Variants in NTM observed in about 807,000 individuals in gnomAD.
The protein encoded by NTM is neurotrimin.
A neutral mutation model predicts 42.1 loss-of-function variants in NTM; 13 were observed. The observed-to-expected ratio is 0.31, with a 90% CI of 0.20 to 0.49. NTM has a LOEUF of 0.49. Ranked by LOEUF, NTM falls within the 20% of genes least tolerant of loss-of-function variation. The pLI is 0.99. For synonymous variants in NTM, 187 were observed against 179.2 expected (o/e 1.04, Z -0.35); for missense variants, 373 against 452.8 (o/e 0.82, Z 1.60).
chr11:131,604,120 A>T (rs2060717351), intron 1 of NTM, among the ~76,000 whole-genome samples: 1 of 152,192 alleles, frequency 6.6e-6, no homozygotes, highest in South Asian at 2.1e-4. Context: ...CAAAATGTGG[A>T]CACACCATTT....
intron 2 of NTM, among the ~76,000 whole-genome samples, chr11:132,115,076 C>G (rs1215801585): frequency 6.6e-6 from 1 of 152,172 alleles, no homozygotes; most frequent in African/African-American, 2.4e-5. Context: ...TGCATGATCT[C>G]ACTTATATGT....
At chr11:131,886,312 C>G (rs551627001) in intron 1 of NTM, among the ~76,000 whole-genome samples, 1 of 152,332 alleles carries the variant, frequency 6.6e-6, no homozygotes, top group Admixed American at 6.5e-5. Flanking sequence ...ATGGAAGGGC[C>G]TTGGACCTCC....
intron 2 of NTM, among the ~76,000 whole-genome samples, chr11:132,134,482 A>G: frequency 6.6e-6 from 1 of 151,026 alleles, no homozygotes; most frequent in East Asian, 2.0e-4. Context: ...GCCACCCCTG[A>G]CCTTTTTCCC....
chr11:131,942,594 C>A (rs1017014387), intron 2 of NTM, among the ~76,000 whole-genome samples: 2 of 152,078 alleles, frequency 1.3e-5, no homozygotes, highest in Admixed American at 1.3e-4. Context: ...TATGAAAAGT[C>A]TGTGGATCCA....
intron 7 of NTM, among the ~76,000 whole-genome samples, chr11:132,324,024 T>C (rs1206634991): frequency 1.5e-5 from 2 of 136,612 alleles, no homozygotes; most frequent in South Asian, 2.6e-4. Context: ...TGGGACATAT[T>C]TCAAAATAAT....
intron 4 of NTM, among the ~76,000 whole-genome samples, chr11:132,267,877 T>C (rs551788887): frequency 7.9e-5 from 12 of 151,800 alleles, no homozygotes; most frequent in East Asian, 3.9e-4. Context: ...AGAAACCTCA[T>C]TGAAAAATCA....
intron 4 of NTM, among the ~76,000 whole-genome samples, chr11:132,245,404 G>A (rs2090963678): frequency 6.6e-6 from 1 of 152,180 alleles, no homozygotes; most frequent in Non-Finnish European, 1.5e-5. Flanking sequence ...GGACAGAGGT[G>A]AGGAGGGAGG....
chr11:131,789,631 GAAGAAAA>G (rs2090454424), intron 1 of NTM, among the ~76,000 whole-genome samples: 1 of 84,636 alleles, frequency 1.2e-5, no homozygotes, highest in Non-Finnish European at 2.4e-5. Context: ...AGAAGAAGAA[GAAGAAAA>G]GAAGAAGAAG....
At chr11:131,429,636 A>G (rs1948486334) in intron 1 of NTM, among the ~76,000 whole-genome samples, 1 of 152,234 alleles carries the variant, frequency 6.6e-6, no homozygotes, top group Non-Finnish European at 1.5e-5. Flanking sequence ...ACTTAAATTG[A>G]CAACTCTGGT....
At chr11:132,060,903 T>C (rs1051936319) in intron 2 of NTM, among the ~76,000 whole-genome samples, 2 of 152,232 alleles carry the variant, frequency 1.3e-5, no homozygotes, top group African/African-American at 4.8e-5. Context: ...TGAATGTTTG[T>C]GTTAGAGCAT....
At chr11:132,145,446 T>G (rs1355381343) in intron 2 of NTM, among the ~76,000 whole-genome samples, 1 of 152,074 alleles carries the variant, frequency 6.6e-6, no homozygotes, top group African/African-American at 2.4e-5. Context: ...CTTGCTGTAG[T>G]AAGAGAGGGA....
chr11:131,656,973 C>T (rs1052964913), intron 1 of NTM, among the ~76,000 whole-genome samples: 2 of 152,024 alleles, frequency 1.3e-5, no homozygotes, highest in African/African-American at 2.4e-5. Context: ...GCTCAGCTCT[C>T]GGAGGCTGAG....
At chr11:131,763,709 C>CTCTTTTTTTTTTTTTTTTTTTTTTT (rs2084620795) in intron 1 of NTM, among the ~76,000 whole-genome samples, 1 of 71,362 alleles carries the variant, frequency 1.4e-5, no homozygotes, top group African/African-American at 5.6e-5. Flanking sequence ...ATCTCTCTCT[C>CTCTTTTTTTTTTTTTTTTTTTTTTT]TTTTTTTTTT....
At chr11:132,029,929 A>C (rs2075703187) in intron 2 of NTM, among the ~76,000 whole-genome samples, 1 of 152,236 alleles carries the variant, frequency 6.6e-6, no homozygotes. Context: ...GCAGTGTTCC[A>C]CATGAATGAA....
At chr11:131,459,301 A>G (rs1233522466) in intron 1 of NTM, among the ~76,000 whole-genome samples, 1 of 152,230 alleles carries the variant, frequency 6.6e-6, no homozygotes, top group Non-Finnish European at 1.5e-5. Context: ...CCAGGTTCAG[A>G]AAGGGCTTGG....
intron 4 of NTM, among the ~76,000 whole-genome samples, chr11:132,265,894 G>A (rs2093155811): frequency 6.6e-6 from 1 of 152,182 alleles, no homozygotes. Flanking sequence ...ACATCCGCAG[G>A]TGGCAGAGAT....
intron 1 of NTM, among the ~76,000 whole-genome samples, chr11:131,873,055 A>G (rs1014985936): frequency 2.6e-5 from 4 of 152,200 alleles, no homozygotes; most frequent in African/African-American, 7.2e-5. Flanking sequence ...TGTGAGACAC[A>G]TGCACATGTA....
At chr11:132,171,815 A>G (rs1469106049) in intron 3 of NTM, among the ~76,000 whole-genome samples, 1 of 152,226 alleles carries the variant, frequency 6.6e-6, no homozygotes, top group African/African-American at 2.4e-5. Context: ...ATGCAGGAAA[A>G]ACAGATGAGC....
intron 1 of NTM, among the ~76,000 whole-genome samples, chr11:131,894,424 C>A (rs940642176): frequency 6.6e-6 from 1 of 152,192 alleles, no homozygotes; most frequent in Non-Finnish European, 1.5e-5. Flanking sequence ...TTTATGAGCT[C>A]TGCAAAACTG....
Sources: allele counts gnomAD v4.1 joint callset (sites outside exome capture counted in the v4.1 genomes callset), GRCh38; gene constraint gnomAD v4.1.1; transcripts MANE v1.5; gene names NCBI Gene and HGNC (gene_info 2026-07-23, HGNC 2026-07-21).